Variants in CLIC5 observed in about 807,000 individuals in gnomAD.
The protein encoded by CLIC5 is CLIC family member 5.
In CLIC5, 20 loss-of-function variants were observed where a neutral mutation model predicts 24.7. The ratio of observed to expected loss-of-function variants is 0.81; its 90% CI spans 0.57 to 1.18. The LOEUF is 1.18. Among genes scored for constraint, CLIC5 ranks in the 50% most tolerant of loss-of-function variants. CLIC5 has a pLI of 0.00. For missense variants in CLIC5, 341 were observed against 326.1 expected (o/e 1.05, Z -0.35); for synonymous variants, 159 against 135.6 (o/e 1.17, Z -1.20).
rs1032653566 is a variant in CLIC5, at chr6:45,912,386, A to G, written c.588+1842T>C. On this transcript the variant is annotated intron_variant, in intron 5 of 5. Transcript: ENST00000339561. The stretch of plus-strand genomic sequence containing the variant: ...AGGGCTTCACTGAGTAATTTAAGGC[A>G]GGTGGGAATTGAGGAAATCACAGGA... The G allele has an allele frequency of 1.2e-5, 13 of 1,085,986 alleles. No individual in the cohort carries two copies. The Admixed American group carries it at 1.7e-4, about 14-fold the overall frequency. The allele number at this position is 1,085,986 out of a possible 1,614,324, so 67.3% of individuals were successfully genotyped here.
intron 3 of CLIC5, among the ~76,000 whole-genome samples, chr6:45,948,273 A>G (rs1012650677): frequency 6.6e-6 from 1 of 152,148 alleles, no homozygotes; most frequent in East Asian, 1.9e-4. Flanking sequence ...TATGTCCTGA[A>G]CCCTTCCTAC....
chr6:46,018,816 G>C (rs1397641614), upstream of CLIC5: 3 of 152,236 alleles, frequency 2.0e-5, no homozygotes, highest in East Asian at 5.8e-4. Context: ...CCAATGAAAG[G>C]GTGACATGCA....
chr6:46,055,284 G>A (rs558346812), intron 1 of CLIC5, among the ~76,000 whole-genome samples: 178 of 152,276 alleles, frequency 1.2e-3, no homozygotes, highest in African/African-American at 4.1e-3. Flanking sequence ...TCTATTTTTA[G>A]TAGAGACGGT....
chr6:45,924,060 C>T (rs776114393), intron 4 of CLIC5, among the ~76,000 whole-genome samples: 16 of 152,086 alleles, frequency 1.1e-4, no homozygotes, highest in Non-Finnish European at 1.9e-4. Context: ...GTATGTGCAA[C>T]GCATGATGAT....
At chr6:46,042,963 A>G (rs943285799) in intron 1 of CLIC5, among the ~76,000 whole-genome samples, 1 of 152,226 alleles carries the variant, frequency 6.6e-6, no homozygotes, top group African/African-American at 2.4e-5. Flanking sequence ...TTCTGGGTGC[A>G]CGTTCTCTCT....
intron 5 of CLIC5, chr6:45,913,769 T>C: frequency 4.1e-6 from 5 of 1,231,092 alleles, no homozygotes; most frequent in Non-Finnish European, 5.1e-6. Flanking sequence ...GAAAATAATG[T>C]GGGCTCACCT....
intron 4 of CLIC5, among the ~76,000 whole-genome samples, chr6:45,931,635 TTTG>T (rs1417635138): frequency 6.6e-6 from 1 of 152,130 alleles, no homozygotes; most frequent in African/African-American, 2.4e-5. Context: ...GTGATAGCAT[TTTG>T]TTGTTGTTTC....
chr6:45,926,009 C>A (rs913724436), intron 4 of CLIC5, among the ~76,000 whole-genome samples: 15 of 151,958 alleles, frequency 9.9e-5, no homozygotes, highest in Non-Finnish European at 2.1e-4. Context: ...TTAGGGTCCC[C>A]ACAATGGAAA....
At chr6:46,094,837 TG>T in the CLIC5 span, among the ~76,000 whole-genome samples, 2 of 152,174 alleles carry the variant, frequency 1.3e-5, no homozygotes, top group Admixed American at 6.5e-5. Context: ...GGACTCTGAG[TG>T]GGGGCTACAA....
intron 1 of CLIC5, among the ~76,000 whole-genome samples, chr6:46,049,503 G>C (rs1043759662): frequency 6.6e-6 from 1 of 152,104 alleles, no homozygotes; most frequent in Non-Finnish European, 1.5e-5. Context: ...CAACCATTGA[G>C]GGGAATTTAA....
intron 1 of CLIC5, among the ~76,000 whole-genome samples, chr6:46,046,489 C>T (rs1767956039): frequency 6.6e-6 from 1 of 152,192 alleles, no homozygotes; most frequent in African/African-American, 2.4e-5. Context: ...ATCAGACCAC[C>T]TGGTACTGCC....
intron 1 of CLIC5, among the ~76,000 whole-genome samples, chr6:45,998,895 A>G (rs1327831738): frequency 1.3e-5 from 2 of 152,210 alleles, no homozygotes; most frequent in African/African-American, 4.8e-5. Context: ...ATTTGTTTAC[A>G]TGTTGTCTAC....
intron 1 of CLIC5, among the ~76,000 whole-genome samples, chr6:45,992,883 C>T (rs1036597773): frequency 6.6e-6 from 1 of 152,140 alleles, no homozygotes; most frequent in Non-Finnish European, 1.5e-5. Flanking sequence ...ATAATTACCC[C>T]CCTGCCTTGA....
At chr6:46,105,096 A>T in the CLIC5 span, among the ~76,000 whole-genome samples, 1 of 152,252 alleles carries the variant, frequency 6.6e-6, no homozygotes, top group South Asian at 2.1e-4. Flanking sequence ...TTTGTGTGAA[A>T]ATGGTCAGCT....
chr6:46,062,682 T>G (rs1326120555), intron 1 of CLIC5, among the ~76,000 whole-genome samples: 2 of 152,234 alleles, frequency 1.3e-5, no homozygotes, highest in African/African-American at 4.8e-5. Context: ...GTCATACTTT[T>G]GAGGGAGTGT....
chr6:46,031,954 A>C (rs1767515511), intron 1 of CLIC5, among the ~76,000 whole-genome samples: 1 of 150,646 alleles, frequency 6.6e-6, no homozygotes, highest in African/African-American at 2.4e-5. Context: ...ACACACACAC[A>C]CACAACAAAT....
At chr6:45,917,814 T>C (rs915811474) in intron 4 of CLIC5, among the ~76,000 whole-genome samples, 6 of 152,216 alleles carry the variant, frequency 3.9e-5, no homozygotes, top group African/African-American at 1.4e-4. Flanking sequence ...ATTTGAACTT[T>C]CTGCTCTGGT....
upstream of CLIC5, among the ~76,000 whole-genome samples, chr6:46,020,700 A>G (rs749312008): frequency 7.9e-5 from 12 of 152,074 alleles, no homozygotes; most frequent in Non-Finnish European, 1.5e-4. Context: ...CCAAAAAACT[A>G]GAGAGAGAAG....
chr6:45,897,228 A>G (rs1231923776), downstream of CLIC5, among the ~76,000 whole-genome samples: 3 of 152,210 alleles, frequency 2.0e-5, no homozygotes, highest in African/African-American at 7.2e-5. Flanking sequence ...CTAAGGAGTC[A>G]CTTTCTTAAC....
Sources: gnomAD v4.1 joint callset for allele counts (sites outside exome capture counted in the v4.1 genomes callset) on GRCh38, gnomAD v4.1.1 for gene constraint, MANE v1.5 for transcripts, NCBI Gene and HGNC (gene_info 2026-07-23, HGNC 2026-07-21) for gene names.